ATF7IP: variants seen among roughly 807,000 people sequenced by gnomAD.
ATF7IP encodes the protein activating transcription factor 7-interacting protein 1.
In ATF7IP, 23 loss-of-function variants were observed where a neutral mutation model predicts 106.4. That is an observed-to-expected ratio of 0.22 (90% CI 0.16 to 0.31). The LOEUF (loss-of-function observed/expected upper bound fraction) is 0.31, where lower values mean the gene tolerates loss of function less well. Ranked by LOEUF, ATF7IP falls within the 10% of genes least tolerant of loss-of-function variation. ATF7IP has a pLI of 1.00. For synonymous variants in ATF7IP, 542 were observed against 539.0 expected (o/e 1.01, Z -0.08); for missense variants, 1,334 against 1,524.3 (o/e 0.88, Z 2.08).
rs558248382 is a variant in ATF7IP, at chr12:14,386,858, C to T, written c.-8+21031C>T. Among the ~76,000 whole-genome samples, 7 of 152,060 alleles carry T rather than the reference C, an allele frequency of 4.6e-5. No individual in the cohort carries two copies. In the East Asian group the frequency reaches 7.7e-4, roughly 17 times the overall value. On this transcript the variant is annotated intron_variant, in intron 1 of 14. Coordinates refer to ENST00000261168, the MANE Select transcript of ATF7IP (RefSeq NM_018179.5). ...TGAAAATTATTCTAGAATGTGTCTT[C>T]GTTATGTTGATTTTTGATGTTCATG...
intron 6 of ATF7IP, among the ~76,000 whole-genome samples, chr12:14,450,666 A>G (rs976679292): frequency 6.6e-6 from 1 of 152,196 alleles, no homozygotes; most frequent in Non-Finnish European, 1.5e-5. Context: ...ATTGCCTAAT[A>G]AATGGAATTT....
At chr12:14,476,983 G>C (rs1944283947) in intron 11 of ATF7IP, among the ~76,000 whole-genome samples, 1 of 152,054 alleles carries the variant, frequency 6.6e-6, no homozygotes, top group African/African-American at 2.4e-5. Context: ...AGACTTCTCT[G>C]AGCCTTTACT....
At chr12:14,403,267 A>G (rs1235023737) in intron 1 of ATF7IP, among the ~76,000 whole-genome samples, 1 of 152,156 alleles carries the variant, frequency 6.6e-6, no homozygotes, top group East Asian at 1.9e-4. Flanking sequence ...TATATTGTCA[A>G]TAAATTTCCT....
intron 2 of ATF7IP, among the ~76,000 whole-genome samples, chr12:14,431,459 A>T (rs887987924): frequency 6.6e-6 from 1 of 150,722 alleles, no homozygotes; most frequent in Admixed American, 6.6e-5. Flanking sequence ...CAGTGGTGCG[A>T]TATCGGCTCA....
rs114141315 is a variant in ATF7IP, at chr12:14,444,542, C to T, written c.1930-2446C>T. Reference sequence around the variant, plus strand: ...GTTTATTCATTTTTTTAAAATGTCTCAGAATATCTACCAAAATAGCCATTC... The same window carrying T: ...GTTTATTCATTTTTTTAAAATGTCTTAGAATATCTACCAAAATAGCCATTC... On this transcript the variant is annotated intron_variant, in intron 5 of 14. Coordinates refer to ENST00000261168, the MANE Select transcript of ATF7IP (RefSeq NM_018179.5). Among the ~76,000 whole-genome samples, 904 of 152,070 alleles carry T rather than the reference C, an allele frequency of 5.9e-3. 9 individuals are homozygous for T. The highest frequency in any genetic ancestry group is 0.02 in the African/African-American group (824 of 41,498).
chr12:14,449,393 G>T (rs1039948927), intron 6 of ATF7IP, among the ~76,000 whole-genome samples: 2 of 151,962 alleles, frequency 1.3e-5, no homozygotes, highest in Non-Finnish European at 2.9e-5. Context: ...TATTAAAGAG[G>T]CTGTCCTTAT....
chr12:14,407,529 C>G (rs561076024), intron 1 of ATF7IP, among the ~76,000 whole-genome samples: 1 of 152,012 alleles, frequency 6.6e-6, no homozygotes, highest in East Asian at 1.9e-4. Flanking sequence ...TAAATTTGTA[C>G]TATACAAAGA....
chr12:14,451,693 C>T (rs1164442224), intron 6 of ATF7IP, among the ~76,000 whole-genome samples: 1 of 151,798 alleles, frequency 6.6e-6, no homozygotes, highest in African/African-American at 2.4e-5. Flanking sequence ...CTGTTGACGT[C>T]AAGTTTCATT....
At chr12:14,492,870 G>T (rs1161635520) in intron 13 of ATF7IP, among the ~76,000 whole-genome samples, 1 of 152,160 alleles carries the variant, frequency 6.6e-6, no homozygotes, top group Non-Finnish European at 1.5e-5. Context: ...CGAGCAATTA[G>T]AGGGCTCTTC....
intron 13 of ATF7IP, among the ~76,000 whole-genome samples, chr12:14,488,079 C>A (rs983708580): frequency 6.6e-6 from 1 of 151,866 alleles, no homozygotes; most frequent in Admixed American, 6.6e-5. Context: ...CTCCAGAAAC[C>A]CCAAAATCAA....
intron 13 of ATF7IP, among the ~76,000 whole-genome samples, chr12:14,494,192 A>G (rs969260153): frequency 6.7e-6 from 1 of 149,310 alleles, no homozygotes; most frequent in African/African-American, 2.5e-5. Context: ...AAAACCAATG[A>G]AAGAACTCCA....
chr12:14,367,368 CTTTT>C (rs1297195162), intron 1 of ATF7IP: 1 of 151,978 alleles, frequency 6.6e-6, no homozygotes, highest in Admixed American at 6.5e-5. Context: ...AAAGATTCTT[CTTTT>C]TTTCTCAAGA....
In ATF7IP at chr12:14,424,056, C is replaced by T; in HGVS notation, c.141C>T (p.Asn47=). 6.2e-7 allele frequency: 1 copy of T among 1,614,038 alleles called. No homozygotes were observed. Among genetic ancestry groups the T allele is most frequent in the Non-Finnish European group, 8.5e-7 (1 of 1,180,002 alleles). ...CTGATGTCAAGCTGTTAAATGGCAACCATGAAAATGGAGATTTGGACCCAA... is the reference window on the plus strand; with the variant it reads ...CTGATGTCAAGCTGTTAAATGGCAATCATGAAAATGGAGATTTGGACCCAA... ...LKTDVKLLNG[N]HENGDLDPTS... is the part of the protein sequence containing the mutation. Residue 47 remains asparagine, a synonymous_variant, in exon 2 of 15, where the codon AAC becomes AAT. Transcript: ENST00000261168.
intron 13 of ATF7IP, among the ~76,000 whole-genome samples, chr12:14,491,504 C>G (rs1944823920): frequency 6.6e-6 from 1 of 152,184 alleles, no homozygotes; most frequent in South Asian, 2.1e-4. Flanking sequence ...GTTTTTGCTA[C>G]TTCTTGCTCA....
At chr12:14,375,058 C>T (rs2136399691) in intron 1 of ATF7IP, among the ~76,000 whole-genome samples, 1 of 151,082 alleles carries the variant, frequency 6.6e-6, no homozygotes, top group Middle Eastern at 3.4e-3. Flanking sequence ...TCCACCATGC[C>T]TTGCTTTCCA....
At chr12:14,387,977 G>A (rs1355712568) in intron 1 of ATF7IP, among the ~76,000 whole-genome samples, 1 of 151,590 alleles carries the variant, frequency 6.6e-6, no homozygotes, top group Non-Finnish European at 1.5e-5. Flanking sequence ...TGACATTGAC[G>A]AGCTTATTCC....
At chr12:14,497,618 G>A in intron 14 of ATF7IP, 36 bp from the exon 15 acceptor site, 1 of 1,555,332 alleles carries the variant, frequency 6.4e-7, no homozygotes, top group Middle Eastern at 1.7e-4. Context: ...AGTTCTTTTT[G>A]CAATCATCAT....
chr12:14,371,718 A>C (rs1328776977), intron 1 of ATF7IP, among the ~76,000 whole-genome samples: 1 of 152,066 alleles, frequency 6.6e-6, no homozygotes, highest in Non-Finnish European at 1.5e-5. Flanking sequence ...TTATTAATTG[A>C]TGATTTTATT....
In ATF7IP at chr12:14,466,556, C is replaced by T. The variant is rs1333637426; in HGVS notation, c.2828C>T (p.Ser943Phe). The T allele has an allele frequency of 2.5e-6, 4 of 1,603,754 alleles. No homozygotes were observed. In the African/African-American group the frequency reaches 4.0e-5, roughly 16 times the overall value. Residue 943 changes from serine (S) to phenylalanine (F), a missense_variant, in exon 10 of 15, where the codon TCT becomes TTT. Ser to Phe is a radical substitution (Grantham distance 155). Coordinates refer to ENST00000261168, the MANE Select transcript of ATF7IP (RefSeq NM_018179.5). ...ENQTNKTIDASVSKKAADSTS... is the reference protein window; with the variant it reads ...ENQTNKTIDAFVSKKAADSTS... ...CAGACAAACAAAACAATAGATGCTTCTGTCAGTAAGAAAGCAGCTGATAGC... is the reference window on the plus strand; with the variant it reads ...CAGACAAACAAAACAATAGATGCTTTTGTCAGTAAGAAAGCAGCTGATAGC...
Sources: gnomAD v4.1 joint callset for allele counts (sites outside exome capture counted in the v4.1 genomes callset) on GRCh38, gnomAD v4.1.1 for gene constraint, MANE v1.5 for transcripts, NCBI Gene and HGNC (gene_info 2026-07-23, HGNC 2026-07-21) for gene names.